Variants in PLIN5 observed in about 807,000 individuals in gnomAD.
PLIN5 encodes the protein perilipin-5.
PLIN5 carries 34 observed loss-of-function variants against 32.8 expected under a neutral mutation model. That is an observed-to-expected ratio of 1.04 (90% confidence interval 0.79 to 1.38). PLIN5 has a LOEUF of 1.38. Ranked by LOEUF, PLIN5 falls within the 40% of genes most tolerant of loss-of-function variation. PLIN5 has a pLI of 0.00. For missense variants in PLIN5, 712 were observed against 660.5 expected, an observed-to-expected ratio of 1.08 and a Z score of -0.85; for synonymous variants, 309 against 292.9, an observed-to-expected ratio of 1.05 and a Z score of -0.56.
chr19:4,525,317 C>A lies in PLIN5; in HGVS notation c.721-241G>T, dbSNP rs548557508. Among the ~76,000 whole-genome samples, 23 of 152,028 alleles carry A rather than the reference C, an allele frequency of 1.5e-4. No homozygotes were observed. Among genetic ancestry groups the A allele is most frequent in the South Asian group, 2.1e-4 (1 of 4,824 alleles). The stretch of plus-strand genomic sequence containing the variant: ...CACAGGTGCCCTCTGGTGGCTGCTG[C>A]GGGGAGGGAAGAGCTGAGGATGGGA... On this transcript the variant is annotated intron_variant, in intron 6 of 7. Coordinates refer to ENST00000381848, the MANE Select transcript of PLIN5 (RefSeq NM_001013706.3). The surrounding 1 kb of genome is among the most constrained non-coding windows in gnomAD (Gnocchi z 5.6).
rs1284181460 is a variant in PLIN5, at chr19:4,525,084, G to C, written c.721-8C>G. The C allele has an allele frequency of 2.3e-5, 28 of 1,219,376 alleles. No individual in the cohort carries two copies. The highest frequency in any genetic ancestry group is 2.7e-5 in the Non-Finnish European group (26 of 947,806). 75.5% of individuals were successfully genotyped at this position (1,219,376 alleles called of 1,614,324 possible). On this transcript the variant is annotated splice_polypyrimidine_tract_variant and splice_region_variant and intron_variant, in intron 6 of 7. Transcript: ENST00000381848. This position sits in a 1 kb window ranked among gnomAD's most constrained non-coding sequence, Gnocchi z 5.6. ...ACACTGCATGTGGTCTATCTGCAAG[G>C]ACAGAAATGGTGGTCTTCAGAGCTG...
rs1041310574 is a variant in PLIN5 at position 4,535,194 on chromosome 19, G to C, written c.-51C>G. On this transcript the variant is annotated 5_prime_UTR_variant, in exon 1 of 8. Transcript: ENST00000381848. ...GCGCGAGCGGCTTCAGACACCAGCT[G>C]TCTCCGCCGACCCCAGGCTCGAGTC... 2 of 152,054 alleles carry C rather than the reference G, an allele frequency of 1.3e-5. No individual in the cohort carries two copies. Among genetic ancestry groups the C allele is most frequent in the Non-Finnish European group, 2.9e-5 (2 of 68,020 alleles). 9.4% of individuals were successfully genotyped at this position (152,054 alleles called of 1,614,324 possible).
chr19:4,524,029 C>A lies in PLIN5; in HGVS notation c.891G>T (p.Thr297=). The A allele has an allele frequency of 1.3e-6, 2 of 1,493,312 alleles. No homozygotes were observed. Among genetic ancestry groups the A allele is most frequent in the Non-Finnish European group, 1.8e-6 (2 of 1,130,884 alleles). 92.5% of individuals were successfully genotyped at this position (1,493,312 alleles called of 1,614,324 possible). Residue 297 remains threonine (T), a synonymous_variant, in exon 8 of 8, where the codon ACG becomes ACT. Transcript: ENST00000381848. ...GCACGCTGGACTCCAGAGCCTCTAC[C>A]GTGCCCTGCAGCTCCTGGGTCAGGC... ...SRSLTQELQG[T]VEALESSVRG...
rs147581875 is a variant in PLIN5, at chr19:4,526,285, T to C, written c.521-453A>G. Among the ~76,000 whole-genome samples the C allele has an allele frequency of 1.9e-3, 287 of 152,126 alleles. 1 individual carries two copies. The highest frequency in any genetic ancestry group is 0.014 in the South Asian group (65 of 4,814). ...CCCCTAGGCTGGAGTGCAGTGGCAC[T>C]ATCCCAGCTCACTGCAACCTCTGCC... On this transcript the variant is annotated intron_variant, in intron 5 of 7. Transcript: ENST00000381848.
intron 5 of PLIN5, among the ~76,000 whole-genome samples, chr19:4,527,493 C>A (rs923442289): frequency 8.2e-6 from 1 of 121,468 alleles, no homozygotes; most frequent in Non-Finnish European, 1.6e-5. Context: ...GAGCCAAGAT[C>A]ATATCACTGC....
chr19:4,526,389 G>A (rs911526321), intron 5 of PLIN5, among the ~76,000 whole-genome samples: 4 of 152,026 alleles, frequency 2.6e-5, no homozygotes. Context: ...ACCCGATTAA[G>A]TTTTGTATTT....
chr19:4,525,689 G>T lies in PLIN5; in HGVS notation c.664C>A (p.Gln222Lys). Residue 222 changes from glutamine (Q) to lysine (K), a missense_variant, in exon 6 of 8, where the codon CAG (glutamine) becomes AAG (lysine). Coordinates refer to ENST00000381848, the MANE Select transcript of PLIN5 (RefSeq NM_001013706.3). This position sits in a 1 kb window ranked among gnomAD's most constrained non-coding sequence, Gnocchi z 5.6. Reference protein sequence around the residue: ...AYEHSVGKLRQSKHRAQDTLA... With the variant: ...AYEHSVGKLRKSKHRAQDTLA... ...GTGTCCTGGGCACGGTGTTTGCTCT[G>T]CCTCAGTTTCCCCACAGAGTGCTCG... The T allele has an allele frequency of 6.2e-7, 1 of 1,613,770 alleles. No individual in the cohort carries two copies. Among genetic ancestry groups the T allele is most frequent in the Non-Finnish European group, 8.5e-7 (1 of 1,180,042 alleles).
chr19:4,524,886 C>A, intron 7 of PLIN5, 77 bp downstream of exon 7: 1 of 1,295,362 alleles, frequency 7.7e-7, no homozygotes, highest in Non-Finnish European at 1.0e-6. Context: ...CTGGGCTGAC[C>A]CGCAGTCCGT....
At chr19:4,527,959 A>G (rs371352816) in intron 5 of PLIN5, among the ~76,000 whole-genome samples, 5,084 of 150,692 alleles carry the variant, frequency 0.034, 251 homozygotes, top group African/African-American at 0.11. Context: ...ACCCAGGCTC[A>G]AGTGCAGTGG....
chr19:4,523,591 C>A lies in PLIN5; in HGVS notation c.1329G>T (p.Glu443Asp). ...GGCAGCTGGGGGTCTCGGGTTCCTGCTCGCAGATGTCCCCGGCAACACCCA... is the reference window on the plus strand; with the variant it reads ...GGCAGCTGGGGGTCTCGGGTTCCTGATCGCAGATGTCCCCGGCAACACCCA... Reference protein sequence around the residue: ...DRMGVAGDICEQEPETPSCPV... With the variant: ...DRMGVAGDICDQEPETPSCPV... Residue 443 changes from glutamate to aspartate, a missense_variant, in exon 8 of 8, where the codon GAG (glutamate) becomes GAT (aspartate). Physicochemically the swap from Glu to Asp is conservative, Grantham distance 45. Transcript: ENST00000381848. The surrounding 1 kb of genome is among the most constrained non-coding windows in gnomAD (Gnocchi z 5.0). The A allele has an allele frequency of 6.2e-7, 1 of 1,604,946 alleles. No homozygotes were observed. Among genetic ancestry groups the A allele is most frequent in the Non-Finnish European group, 8.5e-7 (1 of 1,175,940 alleles).
rs1466692340 is a variant in PLIN5, at chr19:4,529,181, G to A, written c.412C>T (p.Arg138Cys). The A allele has an allele frequency of 8.1e-6, 13 of 1,612,878 alleles. No homozygotes were observed. Among genetic ancestry groups the A allele is most frequent in the Middle Eastern group, 1.6e-4 (1 of 6,084 alleles). ...GVVDLARRGR[R>C]WSVELKRSVS... is the part of the protein sequence containing the mutation. ...GAGCGCTTCAGCTCCACGCTCCAGC[G>A]CCGGCCCCTCCGGGCCAGGTCCACC... is the stretch of plus-strand genomic sequence containing the variant. The change falls in exon 5 of 8, where the codon CGC becomes TGC. Residue 138 changes from arginine to cysteine, a missense_variant. Transcript: ENST00000381848.
At chr19:4,524,507 G>A (rs575628851) in intron 7 of PLIN5, among the ~76,000 whole-genome samples, 2 of 152,242 alleles carry the variant, frequency 1.3e-5, no homozygotes, top group African/African-American at 2.4e-5. Flanking sequence ...AGCTGAGATC[G>A]CGCCACTGCA....
At position 4,530,134 on chromosome 19, in the gene PLIN5, C is replaced by T. The variant is rs542196515; in HGVS notation, c.257-268G>A. Among the ~76,000 whole-genome samples the T allele has an allele frequency of 9.9e-5, 15 of 152,144 alleles. No individual in the cohort carries two copies. In the East Asian group the frequency reaches 1.7e-3, roughly 18 times the overall value. On this transcript the variant is annotated intron_variant, in intron 3 of 7. Coordinates refer to ENST00000381848, the MANE Select transcript of PLIN5 (RefSeq NM_001013706.3). ...CTGTGGCGCCTGGAGAGAGAGTCTA[C>T]GAGGGAGATGGGGAGAAGGCCTAGA...
At position 4,523,318 on chromosome 19, in the gene PLIN5, G is replaced by A. The variant is rs571725799; in HGVS notation, c.*210C>T. On this transcript the variant is annotated 3_prime_UTR_variant, in exon 8 of 8. Coordinates refer to ENST00000381848, the MANE Select transcript of PLIN5 (RefSeq NM_001013706.3). The surrounding 1 kb of genome is among the most constrained non-coding windows in gnomAD (Gnocchi z 5.0). ...GCTCAAGTTGGCCTGAATAGGGTTC[G>A]AGGCCCTGCTCCCCCGGGCCTCTTT... 1.1e-3 allele frequency: 595 copies of A among 526,450 alleles called. 4 individuals carry two copies. The highest frequency in any genetic ancestry group is 0.011 in the African/African-American group (544 of 50,318). The allele number at this position is 526,450 out of a possible 1,614,324, so 32.6% of individuals were successfully genotyped here. A position where few individuals can be genotyped will look rare whatever the true frequency, so the allele number is the denominator to read the frequency against.
rs371042131 is a variant in PLIN5, at chr19:4,529,772, C to A, written c.339+12G>T. The A allele has an allele frequency of 8.7e-6, 14 of 1,610,116 alleles. No individual in the cohort carries two copies. Among genetic ancestry groups the A allele is most frequent in the Non-Finnish European group, 1.2e-5 (14 of 1,177,136 alleles). ...CCCACTGGAGGTCCCCATGTCTAGT[C>A]GTCCGGGGTACCGTCTCCGAAGGTT... On this transcript the variant is annotated intron_variant, in intron 4 of 7. Transcript: ENST00000381848.
chr19:4,524,890 AGT>A, intron 7 of PLIN5, 71 bp downstream of exon 7: 1 of 1,316,876 alleles, frequency 7.6e-7, no homozygotes, highest in Non-Finnish European at 1.0e-6. Flanking sequence ...GCTGACCCGC[AGT>A]CCGTCGCTCC....
Position 4,523,902 on chromosome 19 carries a change from G to A in PLIN5, c.1018C>T (p.Pro340Ser). ...CGGCCCTCGGCCAGCGCGGCCGCTG[G>A]CACGTCCCTGAAGCAGCGGGCATCA... ...FADARCFRDV[P>S]AAALAEGRGR... is the part of the protein sequence containing the mutation. The change falls in exon 8 of 8, where the codon CCA (proline) becomes TCA (serine). Residue 340 changes from proline to serine, a missense_variant. Pro to Ser is a moderately conservative substitution (Grantham distance 74). Coordinates refer to ENST00000381848, the MANE Select transcript of PLIN5 (RefSeq NM_001013706.3). This position sits in a 1 kb window ranked among gnomAD's most constrained non-coding sequence, Gnocchi z 5.0. The A allele has an allele frequency of 6.6e-7, 1 of 1,520,090 alleles. No individual in the cohort carries two copies. Among genetic ancestry groups the A allele is most frequent in the South Asian group, 1.2e-5 (1 of 81,504 alleles). The allele number at this position is 1,520,090 out of a possible 1,614,324, so 94.2% of individuals were successfully genotyped here.
At chr19:4,529,922 C>T (rs532215790) in intron 3 of PLIN5, 56 bp from the exon 4 acceptor site, 15 of 1,153,704 alleles carry the variant, frequency 1.3e-5, no homozygotes, top group African/African-American at 7.6e-5. Flanking sequence ...GAGATAGGGA[C>T]GCAGTGAGAG....
At chr19:4,533,287 G>C (rs1365392459) in intron 2 of PLIN5, 2 of 152,164 alleles carry the variant, frequency 1.3e-5, no homozygotes, top group Admixed American at 6.6e-5. Context: ...GTAGAGACAG[G>C]GTTTCACCAA....
Sources: gnomAD v4.1 joint callset for allele counts (sites outside exome capture counted in the v4.1 genomes callset) on GRCh38, gnomAD v4.1.1 for gene constraint, Gnocchi (gnomAD v3.1) non-coding constraint, MANE v1.5 for transcripts, NCBI Gene and HGNC (gene_info 2026-07-23, HGNC 2026-07-21) for gene names.